ANGPT2: variants seen among roughly 807,000 people sequenced by gnomAD.
The protein encoded by ANGPT2 is angiopoietin 2.
A neutral mutation model predicts 62.9 loss-of-function variants in ANGPT2; 28 were observed. The observed-to-expected ratio is 0.44, with a 90% CI of 0.33 to 0.61. The LOEUF (loss-of-function observed/expected upper bound fraction) is 0.61, where lower values mean the gene tolerates loss of function less well. Among genes scored for constraint, ANGPT2 ranks in the 20% least tolerant of loss-of-function variants. The pLI, the probability that ANGPT2 is intolerant of heterozygous loss-of-function variation, is 0.03. For missense variants in ANGPT2, 727 were observed against 594.9 expected (o/e 1.22, Z -2.31); for synonymous variants, 284 against 207.8 (o/e 1.37, Z -3.15).
At chr8:6,546,763 G>A (rs567046579) in intron 1 of ANGPT2, among the ~76,000 whole-genome samples, 38 of 152,258 alleles carry the variant, frequency 2.5e-4, no homozygotes, top group South Asian at 4.1e-4. Flanking sequence ...TAAACTCAAC[G>A]TACCCTCTTC....
At chr8:6,510,723 C>T (rs977139038) in intron 7 of ANGPT2, among the ~76,000 whole-genome samples, 4 of 152,184 alleles carry the variant, frequency 2.6e-5, no homozygotes, top group African/African-American at 4.8e-5. Context: ...TGGTGCACAC[C>T]TAAACAGAGA....
chr8:6,521,487 C>G, intron 3 of ANGPT2, 77 bp from the exon 4 acceptor site: 1 of 1,031,912 alleles, frequency 9.7e-7, no homozygotes, highest in Non-Finnish European at 1.4e-6. Flanking sequence ...TTCTACTTCT[C>G]CAAGGTACTC....
chr8:6,562,578 T>TTTTTTTTTTTTTTTTTTAAAAA, intron 1 of ANGPT2, 69 bp downstream of exon 1: 1 of 880,188 alleles, frequency 1.1e-6, no homozygotes, highest in Non-Finnish European at 1.6e-6. Flanking sequence ...TTTTGGTTGT[T>TTTTTTTTTTTTTTTTTTAAAAA]AAAACCTGAG....
At chr8:6,558,222 G>A (rs894993833) in intron 1 of ANGPT2, among the ~76,000 whole-genome samples, 3 of 152,098 alleles carry the variant, frequency 2.0e-5, no homozygotes, top group African/African-American at 7.2e-5. Flanking sequence ...TTTAAATAAA[G>A]GGCTGGTAAA....
At chr8:6,523,572 T>A (rs1422871097) in intron 3 of ANGPT2, among the ~76,000 whole-genome samples, 1 of 150,136 alleles carries the variant, frequency 6.7e-6, no homozygotes, top group Non-Finnish European at 1.5e-5. Context: ...AGTCAAGGTA[T>A]TTGGCAGGGT....
intron 1 of ANGPT2, among the ~76,000 whole-genome samples, chr8:6,541,546 G>A (rs1821578327): frequency 1.3e-5 from 2 of 152,190 alleles, no homozygotes; most frequent in African/African-American, 2.4e-5. Context: ...GAGCGAATGC[G>A]GAGACGCTCG....
intron 1 of ANGPT2, among the ~76,000 whole-genome samples, chr8:6,548,713 C>A (rs1169195839): frequency 6.6e-6 from 1 of 152,112 alleles, no homozygotes; most frequent in Non-Finnish European, 1.5e-5. Flanking sequence ...AAGCAAGCTC[C>A]CATTGGCAAA....
intron 5 of ANGPT2, among the ~76,000 whole-genome samples, chr8:6,516,450 T>A (rs960581183): frequency 5.3e-5 from 8 of 152,196 alleles, no homozygotes; most frequent in Non-Finnish European, 8.8e-5. Context: ...ATGTTTTTTT[T>A]CCACTGACAT....
At chr8:6,505,503 GTATATATAGAATATATATTCTTTATATA>G (rs1365692184) in intron 8 of ANGPT2, among the ~76,000 whole-genome samples, 2 of 4,020 alleles carry the variant, frequency 5.0e-4, no homozygotes, top group Admixed American at 7.8e-3. Context: ...CTTTATATAT[GTATATATAGAATATATATTCTTTATATA>G]TGTATATATA....
chr8:6,524,378 A>G (rs757777147), intron 3 of ANGPT2, among the ~76,000 whole-genome samples: 20 of 152,232 alleles, frequency 1.3e-4, no homozygotes, highest in Admixed American at 3.9e-4. Context: ...GCGAAGGCAT[A>G]TGAAGAGCAG....
intron 1 of ANGPT2, among the ~76,000 whole-genome samples, chr8:6,544,613 C>T (rs1219110383): frequency 7.9e-5 from 12 of 152,104 alleles, no homozygotes; most frequent in South Asian, 4.1e-4. Context: ...GAGTAAGAAC[C>T]GACATGCACA....
chr8:6,559,741 TA>T (rs1357359084), intron 1 of ANGPT2, among the ~76,000 whole-genome samples: 1 of 152,244 alleles, frequency 6.6e-6, no homozygotes, highest in Non-Finnish European at 1.5e-5. Flanking sequence ...TGTGAGTTTT[TA>T]TAAAGTGTGT....
intron 3 of ANGPT2, among the ~76,000 whole-genome samples, chr8:6,525,923 G>T (rs1054548741): frequency 6.6e-6 from 1 of 152,162 alleles, no homozygotes; most frequent in African/African-American, 2.4e-5. Flanking sequence ...CAAATTGGTA[G>T]TTTTAGCATT....
intron 2 of ANGPT2, among the ~76,000 whole-genome samples, chr8:6,528,667 C>T (rs575957950): frequency 6.6e-6 from 1 of 152,366 alleles, no homozygotes; most frequent in Admixed American, 6.5e-5. Context: ...GGTTGCCCTT[C>T]AGCAGGAAGA....
intron 7 of ANGPT2, among the ~76,000 whole-genome samples, chr8:6,512,817 A>G (rs901970680): frequency 6.6e-6 from 1 of 152,228 alleles, no homozygotes; most frequent in Non-Finnish European, 1.5e-5. Flanking sequence ...GGTGAGGACA[A>G]GGTAAACACC....
chr8:6,506,647 AG>A (rs1813785425), intron 8 of ANGPT2, among the ~76,000 whole-genome samples: 1 of 152,140 alleles, frequency 6.6e-6, no homozygotes, highest in Admixed American at 6.5e-5. Context: ...TGATTGTGCC[AG>A]GATGAAGGAA....
rs754275751 is a variant in ANGPT2, at chr8:6,499,971, G to C, written c.*3130C>G. 6 of 1,536,178 alleles carry C rather than the reference G, an allele frequency of 3.9e-6. No individual in the cohort carries two copies. The highest frequency in any genetic ancestry group is 2.7e-5 in the African/African-American group (2 of 73,294). On this transcript the variant is annotated 3_prime_UTR_variant, in exon 9 of 9. Coordinates refer to ENST00000629816, the MANE Select transcript of ANGPT2 (RefSeq NM_001118887.2). ...TTTACGATGGTAAATGCAGTTTGCT[G>C]TTCTCAAGAAATTATTATAAACATA... is the stretch of plus-strand genomic sequence containing the variant.
intron 2 of ANGPT2, among the ~76,000 whole-genome samples, chr8:6,530,499 ACT>A (rs1819275693): frequency 8.3e-6 from 1 of 121,004 alleles, no homozygotes; most frequent in African/African-American, 3.2e-5. Context: ...ATGCAGTGAG[ACT>A]CTGTCTCAAA....
intron 4 of ANGPT2, among the ~76,000 whole-genome samples, chr8:6,520,429 C>T (rs190907657): frequency 8.2e-4 from 125 of 152,186 alleles, no homozygotes; most frequent in African/African-American, 2.7e-3. Flanking sequence ...GGCCATTATC[C>T]CACTGAGGAC....
Sources: allele counts gnomAD v4.1 joint callset (sites outside exome capture counted in the v4.1 genomes callset), GRCh38; gene constraint gnomAD v4.1.1; transcripts MANE v1.5; gene names NCBI Gene and HGNC (gene_info 2026-07-23, HGNC 2026-07-21).